Variants in DSE observed in about 807,000 individuals in gnomAD.
DSE encodes the protein dermatan-sulfate epimerase.
In DSE, 36 loss-of-function variants were observed where a neutral mutation model predicts 84.4. The ratio of observed to expected loss-of-function variants is 0.43; its 90% confidence interval spans 0.33 to 0.56. The LOEUF (loss-of-function observed/expected upper bound fraction) is 0.56, where lower values mean the gene tolerates loss of function less well. Ranked by LOEUF, DSE falls within the 20% of genes least tolerant of loss-of-function variation. The pLI, the probability that DSE is intolerant of heterozygous loss-of-function variation, is 0.06. For missense variants in DSE, 862 were observed against 1,169.6 expected (o/e 0.74, Z 3.84); for synonymous variants, 410 against 430.1 (o/e 0.95, Z 0.58).
chr6:116,260,151 GTTT>G (rs147827831), intron 2 of DSE, among the ~76,000 whole-genome samples: 6 of 151,946 alleles, frequency 3.9e-5, no homozygotes, highest in African/African-American at 1.4e-4. Context: ...GCCAGCATCT[GTTT>G]TTTACTTTTT....
chr6:116,257,020 A>G (rs1397198782), intron 1 of DSE, among the ~76,000 whole-genome samples: 10 of 152,268 alleles, frequency 6.6e-5, no homozygotes, highest in Non-Finnish European at 1.5e-4. Context: ...GTTCAAACAT[A>G]AATTAATACA....
intron 2 of DSE, among the ~76,000 whole-genome samples, chr6:116,420,120 T>A (rs894694938): frequency 2.0e-5 from 3 of 152,218 alleles, no homozygotes; most frequent in African/African-American, 4.8e-5. Context: ...ATTTGTTTCT[T>A]GTATACTGTT....
At chr6:116,267,672 A>C (rs895021756) in intron 2 of DSE, among the ~76,000 whole-genome samples, 4 of 152,226 alleles carry the variant, frequency 2.6e-5, no homozygotes, top group Admixed American at 6.5e-5. Flanking sequence ...CAATGTTTAT[A>C]AAATGTACAA....
chr6:116,373,265 C>T (rs1480353935), intron 1 of DSE, among the ~76,000 whole-genome samples: 2 of 152,120 alleles, frequency 1.3e-5, no homozygotes, highest in East Asian at 1.9e-4. Flanking sequence ...TGGGAGGCTG[C>T]GGCAGAAGAA....
At chr6:116,371,633 G>A (rs1779585646) in intron 1 of DSE, among the ~76,000 whole-genome samples, 1 of 152,198 alleles carries the variant, frequency 6.6e-6, no homozygotes, top group Non-Finnish European at 1.5e-5. Flanking sequence ...TGCGGCTGCA[G>A]AAGCCGAGGA....
At chr6:116,308,081 G>A (rs1311607543) in intron 2 of DSE, among the ~76,000 whole-genome samples, 1 of 152,140 alleles carries the variant, frequency 6.6e-6, no homozygotes, top group African/African-American at 2.4e-5. Flanking sequence ...TGGATAACCA[G>A]CTGGCCTAAT....
At chr6:116,287,252 T>C (rs1196076864) in intron 2 of DSE, among the ~76,000 whole-genome samples, 1 of 152,106 alleles carries the variant, frequency 6.6e-6, no homozygotes. Flanking sequence ...GAAAAAAATA[T>C]GGATATTGAC....
chr6:116,388,071 A>G (rs918563694), intron 1 of DSE, among the ~76,000 whole-genome samples: 4 of 152,190 alleles, frequency 2.6e-5, no homozygotes, highest in African/African-American at 9.6e-5. Flanking sequence ...CTACACCTAC[A>G]TCTGTTTATC....
Position 116,442,531 on chromosome 6 carries a change from A to C in DSE, c.*5186A>C, listed in dbSNP as rs1388918128. 6.6e-6 allele frequency: 1 copy of C among 152,156 alleles called. No individual in the cohort carries two copies. The highest frequency in any genetic ancestry group is 1.9e-4 in the East Asian group (1 of 5,194). 9.4% of individuals were successfully genotyped at this position (152,156 alleles called of 1,614,324 possible). On this transcript the variant is annotated 3_prime_UTR_variant, in exon 6 of 6. Coordinates refer to ENST00000644252, the MANE Select transcript of DSE (RefSeq NM_013352.4). ...ACTAGCTGTGTGAGAGGAGAAGTGC[A>C]TTCTGGGTAAATGGAATAGAATAAA...
chr6:116,436,890 A>G lies in DSE; in HGVS notation c.2422A>G (p.Lys808Glu), dbSNP rs1784194664. 5.0e-6 allele frequency: 8 copies of G among 1,614,030 alleles called. No individual in the cohort carries two copies. The highest frequency in any genetic ancestry group is 6.8e-6 in the Non-Finnish European group (8 of 1,180,024). The change falls in exon 6 of 6, where the codon AAA (lysine) becomes GAA (glutamate). Residue 808 changes from lysine to glutamate, a missense_variant. By Grantham distance (56) the Lys-to-Glu change is moderately conservative. Around this residue, in one of 4 missense-constraint regions of DSE, gnomAD observed 315 missense variants for 348.1 expected, o/e 0.90. Coordinates refer to ENST00000644252, the MANE Select transcript of DSE (RefSeq NM_013352.4). ...QQQQQQSKSKKNRRAGKRYKF... is the reference protein window; with the variant it reads ...QQQQQQSKSKENRRAGKRYKF... ...ACAGCAGCAGCAAAGCAAGTCAAAGAAAAACCGAAGGGCAGGCAAACGCTA... is the reference window on the plus strand; with the variant it reads ...ACAGCAGCAGCAAAGCAAGTCAAAGGAAAACCGAAGGGCAGGCAAACGCTA...
At chr6:116,300,736 A>G (rs1035930292) in intron 2 of DSE, among the ~76,000 whole-genome samples, 3 of 152,194 alleles carry the variant, frequency 2.0e-5, no homozygotes, top group Non-Finnish European at 4.4e-5. Context: ...ATGAATGGTA[A>G]CAAGTTCTCT....
intron 2 of DSE, among the ~76,000 whole-genome samples, chr6:116,321,036 A>G (rs1776275066): frequency 6.6e-6 from 1 of 152,154 alleles, no homozygotes; most frequent in Admixed American, 6.5e-5. Flanking sequence ...AGATTGTTGA[A>G]TGGGTCACTG....
At chr6:116,284,947 C>G (rs1437299490) in intron 2 of DSE, among the ~76,000 whole-genome samples, 1 of 151,960 alleles carries the variant, frequency 6.6e-6, no homozygotes, top group Non-Finnish European at 1.5e-5. Flanking sequence ...GGTTCCAAGT[C>G]TTTGCTATTG....
intron 2 of DSE, among the ~76,000 whole-genome samples, chr6:116,260,099 C>A (rs1772347563): frequency 6.6e-6 from 1 of 152,214 alleles, no homozygotes; most frequent in African/African-American, 2.4e-5. Flanking sequence ...AATTTCTACT[C>A]CCACCAACAG....
chr6:116,405,987 T>G (rs1435079277), intron 2 of DSE, among the ~76,000 whole-genome samples: 1 of 152,242 alleles, frequency 6.6e-6, no homozygotes, highest in African/African-American at 2.4e-5. Context: ...GAAGATAAAG[T>G]TACTCTAATA....
At position 116,438,095 on chromosome 6, in the gene DSE, T is replaced by C. The variant is rs1784294454; in HGVS notation, c.*750T>C. 6.6e-6 allele frequency: 1 copy of C among 152,572 alleles called. No homozygotes were observed. The highest frequency in any genetic ancestry group is 6.5e-5 in the Admixed American group (1 of 15,268). 9.5% of individuals were successfully genotyped at this position (152,572 alleles called of 1,614,324 possible). ...ATTACAGATAATACTGTATTTTCCT[T>C]ATATGGAAAACCGTTATAGACCCAA... On this transcript the variant is annotated 3_prime_UTR_variant, in exon 6 of 6. Coordinates refer to ENST00000644252, the MANE Select transcript of DSE (RefSeq NM_013352.4).
At chr6:116,289,583 G>A (rs1774151491) in intron 2 of DSE, among the ~76,000 whole-genome samples, 1 of 151,778 alleles carries the variant, frequency 6.6e-6, no homozygotes, top group South Asian at 2.1e-4. Flanking sequence ...TGGAAATATA[G>A]TCCTAGGGTC....
intron 1 of DSE, among the ~76,000 whole-genome samples, chr6:116,396,320 T>G (rs1305136405): frequency 6.6e-6 from 1 of 152,146 alleles, no homozygotes; most frequent in African/African-American, 2.4e-5. Flanking sequence ...ATCAACTCTT[T>G]GGGTGAATCA....
chr6:116,410,733 CAAAAAAAAAAAAAAAAAAA>C (rs765969508), intron 2 of DSE, among the ~76,000 whole-genome samples: 7 of 79,614 alleles, frequency 8.8e-5, no homozygotes, highest in African/African-American at 4.1e-4. Context: ...GACTCTGTCT[CAAAAAAAAAAAAAAAAAAA>C]AAAAAAAAAA....
Sources: gnomAD v4.1 joint callset for allele counts (sites outside exome capture counted in the v4.1 genomes callset) on GRCh38, gnomAD v4.1.1 for gene constraint, gnomAD v4.1.1 regional missense constraint, MANE v1.5 for transcripts, NCBI Gene and HGNC (gene_info 2026-07-23, HGNC 2026-07-21) for gene names.